ATG10: variants seen among roughly 807,000 people sequenced by gnomAD.
ATG10 encodes the protein ubiquitin-like-conjugating enzyme ATG10.
A neutral mutation model predicts 32.1 loss-of-function variants in ATG10; 30 were observed. The observed-to-expected ratio is 0.94, with a 90% CI of 0.70 to 1.27. The LOEUF (loss-of-function observed/expected upper bound fraction) is 1.27, where lower values mean the gene tolerates loss of function less well. Ranked by LOEUF, ATG10 falls within the 50% of genes most tolerant of loss-of-function variation. ATG10 has a pLI of 0.00. For missense variants in ATG10, 233 were observed against 262.3 expected (o/e 0.89, Z 0.77); for synonymous variants, 87 against 91.5 (o/e 0.95, Z 0.28).
chr5:82,026,216 C>T (rs1284203273), intron 2 of ATG10, among the ~76,000 whole-genome samples: 1 of 152,180 alleles, frequency 6.6e-6, no homozygotes, highest in Non-Finnish European at 1.5e-5. Flanking sequence ...TTCGGTAACT[C>T]ATATAAATGG....
chr5:82,083,037 C>A (rs1349313158), intron 3 of ATG10, among the ~76,000 whole-genome samples: 1 of 152,180 alleles, frequency 6.6e-6, no homozygotes, highest in Admixed American at 6.5e-5. Flanking sequence ...CGAGGCATCG[C>A]CTCACCCGGG....
Position 82,000,504 on chromosome 5 carries a change from A to G in ATG10, c.108+12826A>G, listed in dbSNP as rs184504063. Among the ~76,000 whole-genome samples the G allele has an allele frequency of 1.6e-3, 238 of 152,320 alleles. 1 individual carries two copies. Among genetic ancestry groups the G allele is most frequent in the African/African-American group, 5.3e-3 (222 of 41,582 alleles). ...AGAAAAAGAAAGAAAGAGCATCCAG[A>G]TAGGAAGAGAGGAAGTTGAACTATT... is the stretch of plus-strand genomic sequence containing the variant. On this transcript the variant is annotated intron_variant, in intron 2 of 7. Transcript: ENST00000282185.
intron 3 of ATG10, among the ~76,000 whole-genome samples, chr5:82,069,356 A>T (rs1027969358): frequency 1.3e-5 from 2 of 152,300 alleles, no homozygotes; most frequent in South Asian, 4.1e-4. Context: ...TCATTTTTAC[A>T]TAAAATCATT....
intron 3 of ATG10, among the ~76,000 whole-genome samples, chr5:82,137,247 TC>T (rs955481843): frequency 6.6e-6 from 1 of 152,158 alleles, no homozygotes; most frequent in Non-Finnish European, 1.5e-5. Flanking sequence ...CAAGTTTTGT[TC>T]CCTTGCTGGC....
chr5:82,233,171 C>G (rs1214896535), intron 5 of ATG10, among the ~76,000 whole-genome samples: 4 of 152,174 alleles, frequency 2.6e-5, no homozygotes, highest in Non-Finnish European at 5.9e-5. Context: ...TTTATACATT[C>G]ACTTTCTAGT....
At chr5:81,985,484 CT>C (rs1761234205) in intron 1 of ATG10, among the ~76,000 whole-genome samples, 1 of 152,184 alleles carries the variant, frequency 6.6e-6, no homozygotes, top group African/African-American at 2.4e-5. Context: ...TGCTAGACCC[CT>C]TTACTTGGAC....
chr5:82,065,627 A>AT (rs935742566), intron 3 of ATG10, among the ~76,000 whole-genome samples: 58 of 151,878 alleles, frequency 3.8e-4, no homozygotes, highest in African/African-American at 1.0e-3. Flanking sequence ...TCAATTTATG[A>AT]TTTTTTTTGT....
At chr5:82,004,500 C>A (rs1037172590) in intron 2 of ATG10, among the ~76,000 whole-genome samples, 1 of 152,212 alleles carries the variant, frequency 6.6e-6, no homozygotes, top group African/African-American at 2.4e-5. Flanking sequence ...ATCTAAAGGA[C>A]ACCTGACCCT....
chr5:81,977,549 C>T (rs1185647328), intron 1 of ATG10, among the ~76,000 whole-genome samples: 1 of 152,222 alleles, frequency 6.6e-6, no homozygotes, highest in Non-Finnish European at 1.5e-5. Flanking sequence ...ACCTTATTTG[C>T]CCATACTCTT....
At chr5:82,218,490 A>T (rs1313205254) in intron 5 of ATG10, among the ~76,000 whole-genome samples, 1 of 152,078 alleles carries the variant, frequency 6.6e-6, no homozygotes, top group African/African-American at 2.4e-5. Context: ...GCCAGGCGGG[A>T]GTGGTGGAGA....
At chr5:82,083,036 G>A (rs947440054) in intron 3 of ATG10, among the ~76,000 whole-genome samples, 2 of 152,186 alleles carry the variant, frequency 1.3e-5, no homozygotes, top group African/African-American at 2.4e-5. Flanking sequence ...GCGAGGCATC[G>A]CCTCACCCGG....
At chr5:82,139,968 G>A (rs1485858802) in intron 3 of ATG10, among the ~76,000 whole-genome samples, 2 of 127,994 alleles carry the variant, frequency 1.6e-5, no homozygotes, top group Non-Finnish European at 3.4e-5. Flanking sequence ...CCGGCCAGCC[G>A]CCCCGTCAGG....
chr5:82,141,381 A>T (rs896870978), intron 3 of ATG10, among the ~76,000 whole-genome samples: 14 of 152,184 alleles, frequency 9.2e-5, no homozygotes, highest in Admixed American at 5.9e-4. Flanking sequence ...TAAGCTAATT[A>T]AGAAAATTAC....
At chr5:81,989,046 G>C (rs1761375116) in intron 2 of ATG10, among the ~76,000 whole-genome samples, 1 of 151,970 alleles carries the variant, frequency 6.6e-6, no homozygotes, top group Non-Finnish European at 1.5e-5. Context: ...TGGCCAGGCT[G>C]GTCTTGAACT....
At chr5:82,059,642 G>A (rs1393961722) in intron 3 of ATG10, among the ~76,000 whole-genome samples, 1 of 80,326 alleles carries the variant, frequency 1.2e-5, no homozygotes, top group East Asian at 3.8e-4. Flanking sequence ...GCATCCTGGG[G>A]AAATGAAAGA....
At chr5:82,191,232 T>G (rs552703866) in intron 5 of ATG10, among the ~76,000 whole-genome samples, 27 of 152,344 alleles carry the variant, frequency 1.8e-4, no homozygotes, top group African/African-American at 6.5e-4. Flanking sequence ...AGGTTTTTCT[T>G]GCAATTGATT....
intron 2 of ATG10, among the ~76,000 whole-genome samples, chr5:82,011,037 C>T (rs1055004270): frequency 6.6e-6 from 1 of 152,128 alleles, no homozygotes; most frequent in Non-Finnish European, 1.5e-5. Context: ...ACTGCGTTCC[C>T]ATATTTCTGT....
chr5:82,140,230 C>T (rs1767035751), intron 3 of ATG10, among the ~76,000 whole-genome samples: 2 of 13,518 alleles, frequency 1.5e-4, no homozygotes, highest in Non-Finnish European at 1.6e-4. Context: ...CCGCCCCGTC[C>T]GGGAGGGAGG....
intron 2 of ATG10, among the ~76,000 whole-genome samples, chr5:81,999,739 C>T (rs116024015): frequency 0.028 from 4,209 of 152,002 alleles, 106 homozygotes; most frequent in Non-Finnish European, 0.034. Context: ...AAAAAAATCC[C>T]GCAGACACTA....
Sources: allele counts gnomAD v4.1 joint callset (sites outside exome capture counted in the v4.1 genomes callset), GRCh38; gene constraint gnomAD v4.1.1; transcripts MANE v1.5; gene names NCBI Gene and HGNC (gene_info 2026-07-23, HGNC 2026-07-21).